Variants in DOK6 observed in about 807,000 individuals in gnomAD.
The protein encoded by DOK6 is docking protein 6.
Under a neutral mutation model 44.0 loss-of-function variants are expected in DOK6, and 22 were observed. The ratio of observed to expected loss-of-function variants is 0.50; its 90% CI spans 0.36 to 0.71. DOK6 has a LOEUF of 0.71. Among genes scored for constraint, DOK6 ranks in the 30% least tolerant of loss-of-function variants. The pLI is 0.00. For missense variants in DOK6, 340 were observed against 416.4 expected, an observed-to-expected ratio of 0.82 and a Z score of 1.60; for synonymous variants, 166 against 145.5, an observed-to-expected ratio of 1.14 and a Z score of -1.01.
chr18:69,485,470 G>A (rs1233581073), intron 1 of DOK6, among the ~76,000 whole-genome samples: 1 of 152,084 alleles, frequency 6.6e-6, no homozygotes, highest in East Asian at 1.9e-4. Flanking sequence ...TCTGTCCCGT[G>A]GATGCAGAAT....
chr18:69,693,312 G>A (rs964133943), intron 4 of DOK6, among the ~76,000 whole-genome samples: 309 of 125,878 alleles, frequency 2.5e-3, no homozygotes, highest in African/African-American at 3.1e-3. Flanking sequence ...CTTCTTTGAA[G>A]AAAAAAAAAA....
At chr18:69,733,164 G>C (rs1978473502) in intron 5 of DOK6, among the ~76,000 whole-genome samples, 3 of 151,566 alleles carry the variant, frequency 2.0e-5, no homozygotes, top group Admixed American at 6.6e-5. Flanking sequence ...CTCCAGCCTG[G>C]GTGATAGAGT....
At chr18:69,683,169 A>T (rs79135153) in intron 4 of DOK6, among the ~76,000 whole-genome samples, 1 of 142,332 alleles carries the variant, frequency 7.0e-6, no homozygotes, top group Non-Finnish European at 1.5e-5. Flanking sequence ...TTGCATCAGG[A>T]AAAAAAAAAA....
chr18:69,419,439 G>C (rs958993119), intron 1 of DOK6, among the ~76,000 whole-genome samples: 2 of 152,118 alleles, frequency 1.3e-5, no homozygotes. Flanking sequence ...TATCTGACTA[G>C]AATGTAAAGG....
In DOK6 at chr18:69,401,137, G is replaced by C. The variant is rs1293326536; in HGVS notation, c.-108G>C. On this transcript the variant is annotated 5_prime_UTR_variant, in exon 1 of 8. Transcript: ENST00000382713. ...GGGAAGAGCGGGCGGCGGCGCTGCT[G>C]CTGGCGGCGGCCGGCTGGATGCGAG... 10 of 1,178,514 alleles carry C rather than the reference G, an allele frequency of 8.5e-6. No homozygotes were observed. The highest frequency in any genetic ancestry group is 1.1e-5 in the Non-Finnish European group (10 of 904,702). The allele number at this position is 1,178,514 out of a possible 1,614,324, so 73.0% of individuals were successfully genotyped here.
intron 5 of DOK6, among the ~76,000 whole-genome samples, chr18:69,702,704 T>G (rs7236343): frequency 0.67 from 100,905 of 151,548 alleles, 33,996 homozygotes; most frequent in East Asian, 0.89. Context: ...CAGAAACCTA[T>G]GAGTGAATGT....
chr18:69,786,091 T>C (rs776961372), intron 7 of DOK6, among the ~76,000 whole-genome samples: 2 of 152,134 alleles, frequency 1.3e-5, no homozygotes, highest in Non-Finnish European at 2.9e-5. Flanking sequence ...AATGCTCTTA[T>C]GAGGAAGGGG....
chr18:69,446,430 CCA>C (rs1322596032), intron 1 of DOK6, among the ~76,000 whole-genome samples: 1 of 152,050 alleles, frequency 6.6e-6, no homozygotes, highest in East Asian at 1.9e-4. Flanking sequence ...TGTATATGTG[CCA>C]CATTTTCTTA....
intron 7 of DOK6, among the ~76,000 whole-genome samples, chr18:69,780,253 C>A (rs1800975507): frequency 6.6e-6 from 1 of 152,180 alleles, no homozygotes. Context: ...CTCAGTAAAT[C>A]TGATGCCCAG....
At chr18:69,834,934 G>C (rs1982001448) in intron 7 of DOK6, among the ~76,000 whole-genome samples, 1 of 152,176 alleles carries the variant, frequency 6.6e-6, no homozygotes, top group South Asian at 2.1e-4. Flanking sequence ...GGCGAAAGGG[G>C]AAGAGTCACA....
At chr18:69,625,483 T>C (rs1984537240) in intron 3 of DOK6, among the ~76,000 whole-genome samples, 1 of 152,206 alleles carries the variant, frequency 6.6e-6, no homozygotes, top group Admixed American at 6.5e-5. Context: ...CTAGCTAGCA[T>C]TGCAGTCAGA....
chr18:69,488,074 G>T (rs1376876810), intron 1 of DOK6, among the ~76,000 whole-genome samples: 1 of 152,106 alleles, frequency 6.6e-6, no homozygotes. Flanking sequence ...GGCCAGGTAG[G>T]TTTCCTTCTC....
intron 7 of DOK6, among the ~76,000 whole-genome samples, chr18:69,835,132 A>G (rs1475019155): frequency 1.3e-5 from 2 of 152,112 alleles, no homozygotes; most frequent in Non-Finnish European, 2.9e-5. Context: ...TCAAGAGGAG[A>G]TTTGGGTGAG....
At chr18:69,598,409 G>T (rs1346480395) in intron 2 of DOK6, among the ~76,000 whole-genome samples, 1 of 151,750 alleles carries the variant, frequency 6.6e-6, no homozygotes, top group Non-Finnish European at 1.5e-5. Flanking sequence ...TAGTCAAAAG[G>T]TAATGAATTT....
At chr18:69,517,940 C>G (rs185375489) in intron 1 of DOK6, among the ~76,000 whole-genome samples, 23 of 152,170 alleles carry the variant, frequency 1.5e-4, no homozygotes, top group Non-Finnish European at 2.4e-4. Context: ...GTTAGCAGCA[C>G]TACAGCTGCC....
intron 3 of DOK6, among the ~76,000 whole-genome samples, chr18:69,646,322 A>G (rs1224255159): frequency 2.0e-5 from 3 of 152,100 alleles, no homozygotes. Flanking sequence ...ACATTCTGAC[A>G]GAAGGTGTTT....
intron 7 of DOK6, among the ~76,000 whole-genome samples, chr18:69,793,699 A>G (rs1230219612): frequency 6.6e-6 from 1 of 152,128 alleles, no homozygotes; most frequent in African/African-American, 2.4e-5. Context: ...CAGAATTTAA[A>G]CCCAAGTTTT....
At chr18:69,600,142 A>G (rs1469320034) in intron 3 of DOK6, among the ~76,000 whole-genome samples, 1 of 151,634 alleles carries the variant, frequency 6.6e-6, no homozygotes, top group Non-Finnish European at 1.5e-5. Flanking sequence ...TTTATAATGG[A>G]TGTTAGCAGA....
chr18:69,703,580 A>G (rs974238710), intron 5 of DOK6, among the ~76,000 whole-genome samples: 3 of 152,230 alleles, frequency 2.0e-5, no homozygotes, highest in Non-Finnish European at 4.4e-5. Flanking sequence ...GCTCAATACA[A>G]CAAAGATTTA....
Sources: gnomAD v4.1 joint callset for allele counts (sites outside exome capture counted in the v4.1 genomes callset) on GRCh38, gnomAD v4.1.1 for gene constraint, MANE v1.5 for transcripts, NCBI Gene and HGNC (gene_info 2026-07-23, HGNC 2026-07-21) for gene names.